The following NBEA variants were observed in gnomAD, a reference collection of about 807,000 sequenced individuals.
The protein encoded by NBEA is neurobeachin.
In NBEA, 44 loss-of-function variants were observed where a neutral mutation model predicts 343.4. The observed-to-expected ratio is 0.13, with a 90% CI of 0.10 to 0.16. The LOEUF is 0.16. NBEA is among the 10% of genes least tolerant of loss of function. The pLI, the probability that NBEA is intolerant of heterozygous loss-of-function variation, is 1.00. For missense variants in NBEA, 2,555 were observed against 3,631.3 expected, an observed-to-expected ratio of 0.70 and a Z score of 7.62; for synonymous variants, 1,175 against 1,238.7, an observed-to-expected ratio of 0.95 and a Z score of 1.08.
intron 35 of NBEA, among the ~76,000 whole-genome samples, chr13:35,294,868 G>C (rs1288659295): frequency 2.6e-5 from 4 of 151,856 alleles, no homozygotes; most frequent in Non-Finnish European, 5.9e-5. Context: ...ATCCTATTCA[G>C]CATAAGCAGC....
rs2063830819 is a variant in NBEA, at chr13:35,070,659, G to A, written c.1438-60G>A. On this transcript the variant is annotated intron_variant, in intron 9 of 58. Transcript: ENST00000379939. ...TCTATTATAAAGGTATTTGGAACAA[G>A]GAAATAGTGATGAAATCATTCTATA... 3.5e-6 allele frequency: 5 copies of A among 1,416,982 alleles called. No individual in the cohort carries two copies. The South Asian group carries it at 5.8e-5, about 17-fold the overall frequency. The allele number at this position is 1,416,982 out of a possible 1,614,324, so 87.8% of individuals were successfully genotyped here. A position where few individuals can be genotyped will look rare whatever the true frequency, so the allele number is the denominator to read the frequency against.
At chr13:35,329,544 T>C (rs916163013) in intron 36 of NBEA, among the ~76,000 whole-genome samples, 1 of 151,906 alleles carries the variant, frequency 6.6e-6, no homozygotes, top group Non-Finnish European at 1.5e-5. Flanking sequence ...CACAATAACA[T>C]GTATGGAACT....
intron 40 of NBEA, among the ~76,000 whole-genome samples, chr13:35,466,383 T>G (rs1282807727): frequency 6.6e-6 from 1 of 152,208 alleles, no homozygotes; most frequent in African/African-American, 2.4e-5. Flanking sequence ...GTGAATATGT[T>G]GGGGAGGAAG....
intron 39 of NBEA, among the ~76,000 whole-genome samples, chr13:35,450,586 T>C (rs1032628079): frequency 7.9e-5 from 12 of 152,194 alleles, no homozygotes; most frequent in African/African-American, 2.9e-4. Context: ...AAAAGTATTG[T>C]ACACTTTCGA....
chr13:35,004,834 A>G (rs1462798856), intron 1 of NBEA, among the ~76,000 whole-genome samples: 1 of 152,206 alleles, frequency 6.6e-6, no homozygotes, highest in East Asian at 1.9e-4. Context: ...AAGCATCGAA[A>G]AGGATATTAA....
intron 48 of NBEA, among the ~76,000 whole-genome samples, chr13:35,623,318 T>G (rs1245476097): frequency 6.6e-6 from 1 of 151,926 alleles, no homozygotes; most frequent in Non-Finnish European, 1.5e-5. Flanking sequence ...TAGTAAAGAG[T>G]CTTAATGTCA....
At chr13:35,653,299 T>C (rs1444696006) in intron 53 of NBEA, among the ~76,000 whole-genome samples, 2 of 151,340 alleles carry the variant, frequency 1.3e-5, no homozygotes, top group Non-Finnish European at 2.9e-5. Context: ...AAGCTACATA[T>C]TAAAGTCAAG....
chr13:35,390,776 C>G (rs2042463814), intron 38 of NBEA, among the ~76,000 whole-genome samples: 1 of 152,062 alleles, frequency 6.6e-6, no homozygotes, highest in Admixed American at 6.6e-5. Context: ...GTAAAGGAAA[C>G]ATCACTTTTT....
chr13:34,972,574 T>A (rs2152500068), intron 1 of NBEA, among the ~76,000 whole-genome samples: 1 of 152,324 alleles, frequency 6.6e-6, no homozygotes, highest in South Asian at 2.1e-4. Context: ...AGCTTTAATT[T>A]TATTATTTAC....
Position 35,196,007 on chromosome 13 carries a change from T to A in NBEA, c.5071T>A (p.Leu1691Ile), listed in dbSNP as rs1001081552. ...QVASILNGAELETSTGPDAMS... is the reference protein window; with the variant it reads ...QVASILNGAEIETSTGPDAMS... ...GGCTAGCATCCTGAATGGGGCAGAATTAGAAACAAGTACAGGCCCTGATGC... is the reference window on the plus strand; with the variant it reads ...GGCTAGCATCCTGAATGGGGCAGAAATAGAAACAAGTACAGGCCCTGATGC... The change falls in exon 31 of 59, where the codon TTA becomes ATA. Residue 1691 changes from leucine (L) to isoleucine (I), a missense_variant. Physicochemically the swap from Leu to Ile is conservative, Grantham distance 5. Around this residue, in one of 21 missense-constraint regions of NBEA, gnomAD observed 270 missense variants for 293.3 expected, o/e 0.92. Coordinates refer to ENST00000379939, the MANE Select transcript of NBEA (RefSeq NM_001385012.1). 1.2e-6 allele frequency: 2 copies of A among 1,613,488 alleles called. No individual in the cohort carries two copies. The highest frequency in any genetic ancestry group is 2.7e-5 in the African/African-American group (2 of 74,910).
chr13:35,399,262 T>G (rs2042889178), intron 38 of NBEA, among the ~76,000 whole-genome samples: 1 of 152,114 alleles, frequency 6.6e-6, no homozygotes, highest in African/African-American at 2.4e-5. Flanking sequence ...CTATTTTGCT[T>G]TTGTATTAGT....
At chr13:35,291,375 A>G (rs2035793836) in intron 35 of NBEA, among the ~76,000 whole-genome samples, 1 of 151,872 alleles carries the variant, frequency 6.6e-6, no homozygotes, top group Non-Finnish European at 1.5e-5. Context: ...ACTGAACAAA[A>G]CAAATGAAAA....
At chr13:35,456,285 C>T (rs749522022) in intron 40 of NBEA, among the ~76,000 whole-genome samples, 1 of 151,928 alleles carries the variant, frequency 6.6e-6, no homozygotes, top group Non-Finnish European at 1.5e-5. Context: ...CCAAGCTGTT[C>T]GTCTCAAGAG....
In NBEA at chr13:35,164,373, T is replaced by C. The variant is rs759971402; in HGVS notation, c.4097T>C (p.Val1366Ala). The C allele has an allele frequency of 1.3e-6, 2 of 1,583,060 alleles. No individual in the cohort carries two copies. Among genetic ancestry groups the C allele is most frequent in the South Asian group, 1.1e-5 (1 of 87,242 alleles). Residue 1366 changes from valine to alanine, a missense_variant, in exon 24 of 59, where the codon GTA becomes GCA. By Grantham distance (64) the Val-to-Ala change is moderately conservative. Transcript: ENST00000379939. ...TATTTTAGCCATTCTACAAAGTCTG[T>C]AATGGATTTTGTCAATAGCAATGAA... is the stretch of plus-strand genomic sequence containing the variant. ...HVWRSHSTKS[V>A]MDFVNSNENI... is the part of the protein sequence containing the mutation.
At chr13:35,653,920 G>C (rs2084681221) in intron 53 of NBEA, among the ~76,000 whole-genome samples, 1 of 152,114 alleles carries the variant, frequency 6.6e-6, no homozygotes, top group Non-Finnish European at 1.5e-5. Flanking sequence ...GGGACCCTTG[G>C]TCTTCTTGTC....
At position 35,412,949 on chromosome 13, in the gene NBEA, T is replaced by C. The variant is rs143513135; in HGVS notation, c.6180-19320T>C. 1.2e-4 allele frequency among the ~76,000 whole-genome samples: 19 copies of C among 152,250 alleles called. No individual in the cohort carries two copies. In the East Asian group the frequency reaches 3.3e-3, roughly 26 times the overall value. ...AATAATAGTACCTATCTCAAAGGGA[T>C]TAATGAAAAGTAGTTGAGTAGTGAG... is the stretch of plus-strand genomic sequence containing the variant. On this transcript the variant is annotated intron_variant, in intron 38 of 58. Coordinates refer to ENST00000379939, the MANE Select transcript of NBEA (RefSeq NM_001385012.1).
At chr13:35,426,699 C>G (rs1392996134) in intron 38 of NBEA, among the ~76,000 whole-genome samples, 2 of 152,146 alleles carry the variant, frequency 1.3e-5, no homozygotes, top group Non-Finnish European at 2.9e-5. Context: ...GCCTGCCTTG[C>G]TAGGTTGGGG....
At chr13:35,496,133 G>C (rs2076666449) in intron 41 of NBEA, among the ~76,000 whole-genome samples, 2 of 151,936 alleles carry the variant, frequency 1.3e-5, no homozygotes, top group Non-Finnish European at 2.9e-5. Flanking sequence ...TTTCAGTTCA[G>C]TAAGATATAG....
chr13:35,241,887 T>G (rs1035222594), intron 34 of NBEA, among the ~76,000 whole-genome samples: 2 of 151,896 alleles, frequency 1.3e-5, no homozygotes, highest in African/African-American at 4.8e-5. Flanking sequence ...AATTGCTCAG[T>G]TCCCAATTAC....
Sources: allele counts gnomAD v4.1 joint callset (sites outside exome capture counted in the v4.1 genomes callset), GRCh38; gene constraint gnomAD v4.1.1; regional missense constraint gnomAD v4.1.1; transcripts MANE v1.5; gene names NCBI Gene and HGNC (gene_info 2026-07-23, HGNC 2026-07-21).